COL4A1: variants seen among roughly 807,000 people sequenced by gnomAD.
COL4A1 encodes the protein collagen type IV alpha 1 chain.
Under a neutral mutation model 216.6 loss-of-function variants are expected in COL4A1, and 40 were observed. The observed-to-expected ratio is 0.18, with a 90% CI of 0.14 to 0.24. The LOEUF (loss-of-function observed/expected upper bound fraction) is 0.24, where lower values mean the gene tolerates loss of function less well. Ranked by LOEUF, COL4A1 falls within the 10% of genes least tolerant of loss-of-function variation. The pLI is 1.00. For missense variants in COL4A1, 1,628 were observed against 2,196.8 expected, an observed-to-expected ratio of 0.74 and a Z score of 5.18; for synonymous variants, 839 against 810.7, an observed-to-expected ratio of 1.03 and a Z score of -0.59.
intron 49 of COL4A1, among the ~76,000 whole-genome samples, chr13:110,160,580 C>T (rs1442611663): frequency 6.6e-6 from 1 of 152,176 alleles, no homozygotes; most frequent in African/African-American, 2.4e-5. Flanking sequence ...GCTGAAGAAT[C>T]GAGTGGCATC....
chr13:110,163,402 T>C, intron 47 of COL4A1, 61 bp downstream of exon 47: 1 of 1,466,872 alleles, frequency 6.8e-7, no homozygotes, highest in Non-Finnish European at 9.5e-7. Flanking sequence ...TGCCTGGTTC[T>C]GCTCCTTCTA....
chr13:110,239,948 TG>T (rs1408888665), intron 2 of COL4A1, among the ~76,000 whole-genome samples: 9 of 152,204 alleles, frequency 5.9e-5, no homozygotes, highest in African/African-American at 2.2e-4. Context: ...CCTCTGTCAG[TG>T]GGAGGAAGGG....
chr13:110,159,098 T>G (rs1390501474), intron 49 of COL4A1, among the ~76,000 whole-genome samples: 1 of 152,166 alleles, frequency 6.6e-6, no homozygotes, highest in Non-Finnish European at 1.5e-5. Context: ...TCATGTTATT[T>G]TCAGTGGTAA....
chr13:110,285,536 A>G (rs999697612), intron 1 of COL4A1, among the ~76,000 whole-genome samples: 1 of 152,186 alleles, frequency 6.6e-6, no homozygotes, highest in African/African-American at 2.4e-5. Flanking sequence ...TGGGATGCCC[A>G]GATATCTGGT....
intron 6 of COL4A1, among the ~76,000 whole-genome samples, chr13:110,212,145 G>A (rs1165903083): frequency 1.3e-5 from 2 of 152,184 alleles, no homozygotes; most frequent in African/African-American, 4.8e-5. Flanking sequence ...ATTTTCTTAC[G>A]TGATGTAGTA....
intron 33 of COL4A1, 71 bp downstream of exon 33, chr13:110,177,771 A>G (rs561850497): frequency 6.7e-7 from 1 of 1,503,002 alleles, no homozygotes; most frequent in Admixed American, 1.7e-5. Context: ...ATCTATGACA[A>G]CTTGAGAATT....
chr13:110,183,363 G>T, intron 26 of COL4A1, 87 bp from the exon 27 acceptor site: 3 of 1,250,850 alleles, frequency 2.4e-6, no homozygotes, highest in Non-Finnish European at 3.4e-6. Context: ...TGGGCTGCAC[G>T]CCACATCCTA....
intron 1 of COL4A1, among the ~76,000 whole-genome samples, chr13:110,270,623 G>T (rs111910496): frequency 6.6e-6 from 1 of 151,998 alleles, no homozygotes; most frequent in Non-Finnish European, 1.5e-5. Context: ...TGGGAACGAG[G>T]TCTCTGACCT....
In COL4A1 at chr13:110,186,462, C is replaced by A. The variant is rs148781420; in HGVS notation, c.1820G>T (p.Gly607Val). 2.5e-5 allele frequency: 41 copies of A among 1,613,694 alleles called. No homozygotes were observed. The African/African-American group carries it at 5.2e-4, about 20-fold the overall frequency. Reference sequence around the variant, plus strand: ...ACCAATGGGACCAGCAGGACCATATCCTGGAGGCCCAGGGGGGCCGGTGTC... The same window carrying A: ...ACCAATGGGACCAGCAGGACCATATACTGGAGGCCCAGGGGGGCCGGTGTC... ...RGDTGPPGPP[G>V]YGPAGPIGDK... The change falls in exon 26 of 52, where the codon GGA becomes GTA. Residue 607 changes from glycine to valine, a missense_variant. Gly to Val is a moderately radical substitution (Grantham distance 109). Around this residue, in one of 8 missense-constraint regions of COL4A1, gnomAD observed 701 missense variants for 892.5 expected, o/e 0.79. Transcript: ENST00000375820.
intron 1 of COL4A1, among the ~76,000 whole-genome samples, chr13:110,284,429 G>C (rs563428709): frequency 6.6e-6 from 1 of 152,216 alleles, no homozygotes; most frequent in South Asian, 2.1e-4. Flanking sequence ...AAGCTGCAGA[G>C]GTCTTTTGGT....
At chr13:110,247,790 CGTGTGTGTGTGTGTGTGTGTGT>C (rs56086913) in intron 1 of COL4A1, among the ~76,000 whole-genome samples, 25 of 57,768 alleles carry the variant, frequency 4.3e-4, no homozygotes, top group African/African-American at 1.2e-3. Flanking sequence ...CTATGCTACT[CGTGTGTGTGTGTGTGTGTGTGT>C]GTGTGTGTGT....
At chr13:110,292,207 T>C (rs1884117039) in intron 1 of COL4A1, among the ~76,000 whole-genome samples, 1 of 152,214 alleles carries the variant, frequency 6.6e-6, no homozygotes, top group Non-Finnish European at 1.5e-5. Context: ...TTTTGACAGT[T>C]CTTACTATAA....
rs1012183459 is a variant in COL4A1 at position 110,160,239 on chromosome 13, G to A, written c.4640+953C>T. Among the ~76,000 whole-genome samples, 30 of 120,178 alleles carry A rather than the reference G, an allele frequency of 2.5e-4. 4 individuals are homozygous for A. In the East Asian group the frequency reaches 4.9e-3, roughly 20 times the overall value. 78.8% of individuals were successfully genotyped at this position (120,178 alleles called of 152,430 possible). A position where few individuals can be genotyped will look rare whatever the true frequency, so the allele number is the denominator to read the frequency against. On this transcript the variant is annotated intron_variant, in intron 49 of 51. Transcript: ENST00000375820. ...GGGTGGATCATGAGGTCAGGAGATC[G>A]AGACCATCCTGGCTAACAAGGTGAA...
chr13:110,266,844 T>C (rs1340581965), intron 1 of COL4A1, among the ~76,000 whole-genome samples: 1 of 152,178 alleles, frequency 6.6e-6, no homozygotes, highest in Non-Finnish European at 1.5e-5. Context: ...TGGCAAAATG[T>C]AAGCAATTGA....
At chr13:110,157,872 G>A (rs1358621415) in intron 49 of COL4A1, among the ~76,000 whole-genome samples, 9 of 152,176 alleles carry the variant, frequency 5.9e-5, no homozygotes, top group African/African-American at 1.7e-4. Flanking sequence ...GCTGGTCTCA[G>A]ACACACAGCT....
chr13:110,251,371 A>T (rs1441653883), intron 1 of COL4A1, among the ~76,000 whole-genome samples: 1 of 152,206 alleles, frequency 6.6e-6, no homozygotes, highest in Non-Finnish European at 1.5e-5. Context: ...GGGGCAGGGG[A>T]AGCACCAGCA....
At position 110,183,295 on chromosome 13, in the gene COL4A1, A is replaced by G. The variant is rs1181491317; in HGVS notation, c.1898-19T>C. 7 of 1,607,414 alleles carry G rather than the reference A, an allele frequency of 4.4e-6. No individual in the cohort carries two copies. The highest frequency in any genetic ancestry group is 5.1e-6 in the Non-Finnish European group (6 of 1,176,310). On this transcript the variant is annotated intron_variant, in intron 26 of 51. Coordinates refer to ENST00000375820, the MANE Select transcript of COL4A1 (RefSeq NM_001845.6). The stretch of plus-strand genomic sequence containing the variant: ...TTTGGACCTAGAGGAAAAAAAGAGC[A>G]AAGACAAACGATGAAGGAATGAGGA...
intron 1 of COL4A1, among the ~76,000 whole-genome samples, chr13:110,271,554 C>T (rs1354822508): frequency 6.6e-6 from 1 of 152,176 alleles, no homozygotes; most frequent in Non-Finnish European, 1.5e-5. Context: ...GAAGCACTTT[C>T]TATAAAATAA....
At chr13:110,212,231 A>G (rs1462533761) in intron 6 of COL4A1, among the ~76,000 whole-genome samples, 186 bp downstream of exon 6, 1 of 152,254 alleles carries the variant, frequency 6.6e-6, no homozygotes, top group African/African-American at 2.4e-5. Context: ...AGGAACAATT[A>G]TATCTTTCTG....
Sources: gnomAD v4.1 joint callset for allele counts (sites outside exome capture counted in the v4.1 genomes callset) on GRCh38, gnomAD v4.1.1 for gene constraint, gnomAD v4.1.1 regional missense constraint, MANE v1.5 for transcripts, NCBI Gene and HGNC (gene_info 2026-07-23, HGNC 2026-07-21) for gene names.